PLCH2: variants seen among roughly 807,000 people sequenced by gnomAD.
The protein encoded by PLCH2 is 1-phosphatidylinositol 4,5-bisphosphate phosphodiesterase eta-2.
Under a neutral mutation model 134.7 loss-of-function variants are expected in PLCH2, and 98 were observed. That is an observed-to-expected ratio of 0.73 (90% CI 0.62 to 0.86). The LOEUF (loss-of-function observed/expected upper bound fraction) is 0.86. Ranked by LOEUF, PLCH2 falls within the 40% of genes least tolerant of loss-of-function variation. The pLI, the probability that PLCH2 is intolerant of heterozygous loss-of-function variation, is 0.00. For synonymous variants in PLCH2, 974 were observed against 827.5 expected (o/e 1.18, Z -3.04); for missense variants, 1,994 against 1,986.6 (o/e 1.00, Z -0.07).
intron 2 of PLCH2, among the ~76,000 whole-genome samples, chr1:2,431,132 CTGCGTGTGCGTG>C (rs747344737): frequency 2.0e-5 from 3 of 152,140 alleles, no homozygotes; most frequent in Non-Finnish European, 4.4e-5. Context: ...GCTGGCTGCC[CTGCGTGTGCGTG>C]TGCGTGTGTG....
chr1:2,463,549 C>T (rs187673420), upstream of PLCH2, among the ~76,000 whole-genome samples: 53 of 152,342 alleles, frequency 3.5e-4, no homozygotes, highest in Middle Eastern at 3.4e-3. Flanking sequence ...GAAACCGAGG[C>T]ACCCCACGAA....
chr1:2,497,685 C>A (rs530877932), intron 16 of PLCH2, 76 bp downstream of exon 16: 1 of 1,022,806 alleles, frequency 9.8e-7, no homozygotes, highest in African/African-American at 1.6e-5. Context: ...GAACAGAGAT[C>A]GGAGCCCCAC....
At position 2,489,656 on chromosome 1, in the gene PLCH2, G is replaced by C. The variant is rs956351801; in HGVS notation, c.1408-104G>C. ...TGGCTGAGATGCCAAAACTGAGCTTGAGAAAAGGCCCCTCTCCTTGGCCGG... is the reference window on the plus strand; with the variant it reads ...TGGCTGAGATGCCAAAACTGAGCTTCAGAAAAGGCCCCTCTCCTTGGCCGG... On this transcript the variant is annotated intron_variant, in intron 9 of 21. Transcript: ENST00000378486. 187 of 938,350 alleles carry C rather than the reference G, an allele frequency of 2.0e-4. 1 individual carries two copies. The East Asian group carries it at 4.5e-3, about 23-fold the overall frequency. 58.1% of individuals were successfully genotyped at this position (938,350 alleles called of 1,614,324 possible). A position where few individuals can be genotyped will look rare whatever the true frequency, so the allele number is the denominator to read the frequency against.
At chr1:2,450,080 C>T (rs368667393) in intron 2 of PLCH2, among the ~76,000 whole-genome samples, 6 of 152,224 alleles carry the variant, frequency 3.9e-5, no homozygotes, top group South Asian at 2.1e-4. Context: ...CAAGGAGCCC[C>T]GGCCCCTCCC....
intron 15 of PLCH2, 138 bp from the exon 16 acceptor site, chr1:2,497,364 T>C (rs1226327202): frequency 6.0e-6 from 4 of 667,916 alleles, no homozygotes; most frequent in Admixed American, 4.8e-5. Flanking sequence ...TGGAGTCCCA[T>C]TCACATTGGG....
upstream of PLCH2, among the ~76,000 whole-genome samples, chr1:2,475,063 C>A (rs998642382): frequency 6.6e-6 from 1 of 152,130 alleles, no homozygotes; most frequent in African/African-American, 2.4e-5. Flanking sequence ...TGACGGGGCC[C>A]CTGGTGGGGG....
In PLCH2 at chr1:2,479,814, C is replaced by T. The variant is rs1475021423; in HGVS notation, c.352C>T (p.Pro118Ser). ...FQRYPDGSFD[P>S]NCCFSIYHGS... is the part of the protein sequence containing the mutation. ...GCGCTACCCTGACGGCAGCTTCGAC[C>T]CCAACTGCTGCTTCAGCATCTACCA... Residue 118 changes from proline to serine, a missense_variant, in exon 3 of 22, where the codon CCC becomes TCC. Transcript: ENST00000378486. The T allele has an allele frequency of 3.1e-6, 5 of 1,601,800 alleles. No homozygotes were observed. The highest frequency in any genetic ancestry group is 2.2e-5 in the South Asian group (2 of 89,722).
At chr1:2,481,960 A>C (rs377217413) in intron 4 of PLCH2, among the ~76,000 whole-genome samples, 31 of 152,388 alleles carry the variant, frequency 2.0e-4, no homozygotes, top group African/African-American at 7.0e-4. Context: ...ATCAGAGAGA[A>C]CTGCATGGTG....
rs778102101 is a variant in PLCH2 at position 2,491,251 on chromosome 1, CA to C, written c.1578del (p.Glu527SerfsTer64). On this transcript the variant is annotated frameshift_variant, in exon 11 of 22. Transcript: ENST00000378486. LOFTEE classifies it high-confidence loss of function. ...TAKRKLDSLI[K>X]ESKIRDCEDP... The stretch of plus-strand genomic sequence containing the variant: ...CTAAGAGGAAACTGGATTCCCTCAT[CA>C]AAGAGTCGAAGATTCGGGACTGTGA... 4 of 1,613,294 alleles carry C rather than the reference CA, an allele frequency of 2.5e-6. No homozygotes were observed. The highest frequency in any genetic ancestry group is 3.4e-6 in the Non-Finnish European group (4 of 1,179,798).
chr1:2,498,533 C>A lies in PLCH2; in HGVS notation c.2235C>A (p.Asn745Lys). Residue 745 changes from asparagine (N) to lysine (K), a missense_variant, in exon 17 of 22, where the codon AAC becomes AAA. By Grantham distance (94) the Asn-to-Lys change is moderately conservative (BLOSUM62 0). Around this residue, in one of 2 missense-constraint regions of PLCH2, gnomAD observed 1,094 missense variants for 1,234.3 expected, o/e 0.89. Transcript: ENST00000378486. The surrounding 1 kb of genome is among the most constrained non-coding windows in gnomAD (Gnocchi z 5.4). ...KPGCMCQGVF[N>K]PNSEDPLPGQ... is the part of the protein sequence containing the mutation. ...CCGGCATCCCCTCAGGCGTGTTCAACCCCAACTCGGAGGACCCCCTGCCCG... is the reference window on the plus strand; with the variant it reads ...CCGGCATCCCCTCAGGCGTGTTCAAACCCAACTCGGAGGACCCCCTGCCCG... 6.2e-7 allele frequency: 1 copy of A among 1,608,084 alleles called. No homozygotes were observed. The highest frequency in any genetic ancestry group is 8.5e-7 in the Non-Finnish European group (1 of 1,178,960).
chr1:2,469,273 C>T (rs1239452662), intron 1 of PLCH2, among the ~76,000 whole-genome samples: 1 of 152,174 alleles, frequency 6.6e-6, no homozygotes, highest in Non-Finnish European at 1.5e-5. Flanking sequence ...TCCAGGAGAC[C>T]CAGCACACTT....
intron 2 of PLCH2, among the ~76,000 whole-genome samples, chr1:2,441,287 C>T (rs529721964): frequency 3.3e-5 from 5 of 152,250 alleles, no homozygotes; most frequent in South Asian, 2.1e-4. Context: ...GGGCACCACA[C>T]GTATGGTCCC....
intron 2 of PLCH2, among the ~76,000 whole-genome samples, chr1:2,451,726 G>A (rs1640235983): frequency 6.6e-6 from 1 of 152,208 alleles, no homozygotes; most frequent in Admixed American, 6.5e-5. Flanking sequence ...ACAGGCCAAT[G>A]GGACCCCTCC....
upstream of PLCH2, among the ~76,000 whole-genome samples, chr1:2,463,705 G>T (rs1640930612): frequency 6.6e-6 from 1 of 152,180 alleles, no homozygotes; most frequent in African/African-American, 2.4e-5. Flanking sequence ...CCACCCAGGG[G>T]GATATCACAC....
chr1:2,416,148 C>T, the PLCH2 span, among the ~76,000 whole-genome samples: 1 of 152,226 alleles, frequency 6.6e-6, no homozygotes, highest in South Asian at 2.1e-4. Context: ...ACTGCTGTGC[C>T]TGGGTTGCTG....
intron 2 of PLCH2, among the ~76,000 whole-genome samples, chr1:2,457,878 T>C (rs1253258971): frequency 1.3e-4 from 15 of 113,988 alleles, no homozygotes; most frequent in African/African-American, 6.5e-4. Flanking sequence ...GTTTTAGACC[T>C]GAAAAAAAAA....
intron 2 of PLCH2, among the ~76,000 whole-genome samples, chr1:2,435,644 A>T (rs1340505207): frequency 1.3e-5 from 2 of 152,090 alleles, no homozygotes; most frequent in Non-Finnish European, 2.9e-5. Context: ...CACGGCTCTC[A>T]GAGCCCACAG....
intron 2 of PLCH2, among the ~76,000 whole-genome samples, chr1:2,453,699 G>A (rs2100564043): frequency 6.6e-6 from 1 of 152,346 alleles, no homozygotes; most frequent in South Asian, 2.1e-4. Flanking sequence ...GCACCCCAGT[G>A]CCTGCTCTCT....
At chr1:2,443,950 G>A (rs1163973780) in intron 2 of PLCH2, among the ~76,000 whole-genome samples, 3 of 151,982 alleles carry the variant, frequency 2.0e-5, no homozygotes, top group Non-Finnish European at 4.4e-5. Flanking sequence ...CAATGGACGC[G>A]GGAGCCGCCC....
Sources: gnomAD v4.1 joint callset for allele counts (sites outside exome capture counted in the v4.1 genomes callset) on GRCh38, gnomAD v4.1.1 for gene constraint, gnomAD v4.1.1 regional missense constraint, Gnocchi (gnomAD v3.1) non-coding constraint, MANE v1.5 for transcripts, NCBI Gene and HGNC (gene_info 2026-07-23, HGNC 2026-07-21) for gene names.